GLG1: variants seen among roughly 807,000 people sequenced by gnomAD.
GLG1 encodes golgi glycoprotein 1, also known as Golgi apparatus protein 1.
A neutral mutation model predicts 160.5 loss-of-function variants in GLG1; 38 were observed. That is an observed-to-expected ratio of 0.24 (90% CI 0.18 to 0.31). The LOEUF (loss-of-function observed/expected upper bound fraction) is 0.31. Among genes scored for constraint, GLG1 ranks in the 10% least tolerant of loss-of-function variants. The pLI is 1.00. For missense variants in GLG1, 1,373 were observed against 1,505.2 expected, an observed-to-expected ratio of 0.91 and a Z score of 1.45; for synonymous variants, 644 against 543.4, an observed-to-expected ratio of 1.19 and a Z score of -2.57.
intron 1 of GLG1, chr16:74,552,293 C>T: frequency 1.7e-6 from 1 of 581,108 alleles, no homozygotes; most frequent in Non-Finnish European, 3.3e-6. Flanking sequence ...CTATGAACTC[C>T]TTTTTAAGGA....
intron 4 of GLG1, among the ~76,000 whole-genome samples, chr16:74,498,542 T>C (rs1253955968): frequency 7.1e-6 from 1 of 140,664 alleles, no homozygotes; most frequent in African/African-American, 2.6e-5. Context: ...TATAATAAAA[T>C]ACCTATCTAT....
At chr16:74,531,288 C>T (rs1252048883) in intron 2 of GLG1, among the ~76,000 whole-genome samples, 3 of 152,026 alleles carry the variant, frequency 2.0e-5, no homozygotes, top group Non-Finnish European at 2.9e-5. Flanking sequence ...ATAGATGCCT[C>T]TTCTAAGACC....
chr16:74,523,915 T>A (rs1054415593), intron 2 of GLG1, among the ~76,000 whole-genome samples: 13 of 151,824 alleles, frequency 8.6e-5, no homozygotes, highest in Non-Finnish European at 1.6e-4. Context: ...TAGTGCATTT[T>A]AAAAAAAATA....
chr16:74,464,332 A>G lies in GLG1; in HGVS notation c.2668-853T>C, dbSNP rs544807143. Among the ~76,000 whole-genome samples the G allele has an allele frequency of 3.3e-5, 5 of 152,328 alleles. No homozygotes were observed. The South Asian group carries it at 6.2e-4, about 19-fold the overall frequency. On this transcript the variant is annotated intron_variant, in intron 19 of 25. Coordinates refer to ENST00000422840, the MANE Select transcript of GLG1 (RefSeq NM_001145667.2). The stretch of plus-strand genomic sequence containing the variant: ...TCTCCACTAACCAATGTGAACAAGG[A>G]TGTGGGCTAAGGACCCACTTGGTTC...
At chr16:74,485,121 G>A (rs987558129) in intron 9 of GLG1, among the ~76,000 whole-genome samples, 5 of 152,142 alleles carry the variant, frequency 3.3e-5, no homozygotes, top group Admixed American at 3.3e-4. Flanking sequence ...TGCCCAGGCT[G>A]GTTTCAAACT....
chr16:74,542,745 GGAA>G (rs2017920596), intron 1 of GLG1, among the ~76,000 whole-genome samples: 1 of 12,760 alleles, frequency 7.8e-5, no homozygotes, highest in Non-Finnish European at 3.0e-4. Context: ...GAGGAAGGAA[GGAA>G]GGAAGGAAGG....
chr16:74,588,746 A>G (rs1023369147), intron 1 of GLG1, among the ~76,000 whole-genome samples: 1 of 152,144 alleles, frequency 6.6e-6, no homozygotes, highest in Non-Finnish European at 1.5e-5. Context: ...GACTTGGGCA[A>G]ATAAAAATCT....
chr16:74,574,479 T>A (rs1173385094), intron 1 of GLG1, among the ~76,000 whole-genome samples: 1 of 152,186 alleles, frequency 6.6e-6, no homozygotes, highest in Non-Finnish European at 1.5e-5. Context: ...AGGATGGTGC[T>A]TATCATCTAA....
intron 18 of GLG1, among the ~76,000 whole-genome samples, chr16:74,467,187 G>A (rs2015030899): frequency 6.6e-6 from 1 of 152,224 alleles, no homozygotes; most frequent in African/African-American, 2.4e-5. Flanking sequence ...GATACAAGAG[G>A]ACAATGAAGT....
chr16:74,598,540 A>C (rs1467978641), intron 1 of GLG1, among the ~76,000 whole-genome samples: 1 of 150,922 alleles, frequency 6.6e-6, no homozygotes, highest in Non-Finnish European at 1.5e-5. Context: ...AGAAAAAAGA[A>C]AGAAGAAAAA....
intron 2 of GLG1, among the ~76,000 whole-genome samples, chr16:74,510,718 C>A (rs1002893033): frequency 2.0e-5 from 3 of 152,148 alleles, no homozygotes; most frequent in Non-Finnish European, 4.4e-5. Flanking sequence ...TGAGTACATA[C>A]TGTGTTCCAG....
chr16:74,478,001 T>TAAATAAATAAATAAAA (rs1263424555), intron 11 of GLG1, among the ~76,000 whole-genome samples: 3 of 151,032 alleles, frequency 2.0e-5, no homozygotes, highest in African/African-American at 7.3e-5. Flanking sequence ...AATAAATAAA[T>TAAATAAATAAATAAAA]AAATAAATAA....
rs1385158057 is a variant in GLG1 at position 74,447,621 on chromosome 16, AT to A, written c.*5545del. ...TTTACAAAAGAGGCTTGTTAATTGTATTTTTTTCTTTCTTTCAAAAACAAAA... is the reference window on the plus strand; with the variant it reads ...TTTACAAAAGAGGCTTGTTAATTGTATTTTTTCTTTCTTTCAAAAACAAAA... On this transcript the variant is annotated 3_prime_UTR_variant, in exon 26 of 26. Transcript: ENST00000422840. 2 of 152,218 alleles carry A rather than the reference AT, an allele frequency of 1.3e-5. No individual in the cohort carries two copies. The highest frequency in any genetic ancestry group is 2.9e-5 in the Non-Finnish European group (2 of 68,032). 9.4% of individuals were successfully genotyped at this position (152,218 alleles called of 1,614,324 possible).
chr16:74,490,992 T>C lies in GLG1; in HGVS notation c.1449+9A>G. The C allele has an allele frequency of 1.3e-6, 2 of 1,599,912 alleles. 1 individual carries two copies. ...GACATTCAAAATGGCAATAGCAATGTCTCCTTACCGCCTGCTGGCAGTTCA... is the reference window on the plus strand; with the variant it reads ...GACATTCAAAATGGCAATAGCAATGCCTCCTTACCGCCTGCTGGCAGTTCA... On this transcript the variant is annotated intron_variant, in intron 8 of 25. Coordinates refer to ENST00000422840, the MANE Select transcript of GLG1 (RefSeq NM_001145667.2).
chr16:74,500,336 T>C (rs1199579932), intron 4 of GLG1, among the ~76,000 whole-genome samples: 1 of 152,200 alleles, frequency 6.6e-6, no homozygotes, highest in Non-Finnish European at 1.5e-5. Flanking sequence ...CAATAATTTT[T>C]TGTTAACTTT....
rs1049771385 is a variant in GLG1, at chr16:74,562,759, G to A, written c.439-30606C>T. Among the ~76,000 whole-genome samples the A allele has an allele frequency of 6.6e-5, 10 of 152,228 alleles. 1 individual carries two copies. Among genetic ancestry groups the A allele is most frequent in the Non-Finnish European group, 1.2e-4 (8 of 68,044 alleles). On this transcript the variant is annotated intron_variant, in intron 1 of 25. Coordinates refer to ENST00000422840, the MANE Select transcript of GLG1 (RefSeq NM_001145667.2). ...CAAAGTGTAGAGATTACAGGCATGA[G>A]CTACCGTGCTGGCAGTAAAGGAAGC...
At chr16:74,587,268 G>T (rs115004236) in intron 1 of GLG1, among the ~76,000 whole-genome samples, 3 of 152,124 alleles carry the variant, frequency 2.0e-5, no homozygotes, top group African/African-American at 4.8e-5. Flanking sequence ...GTGGCTTCCC[G>T]GCTGCAACAC....
At chr16:74,606,441 G>A (rs921304754) in intron 1 of GLG1, among the ~76,000 whole-genome samples, 5 of 152,186 alleles carry the variant, frequency 3.3e-5, no homozygotes, top group Admixed American at 3.3e-4. Context: ...CCAGACCCCG[G>A]CAACAGGGAG....
rs754330852 is a variant in GLG1 at position 74,606,936 on chromosome 16, G to A, written c.159C>T (p.Ala53=). Residue 53 remains alanine, a synonymous_variant, in exon 1 of 26, where the codon GCC becomes GCT. Coordinates refer to ENST00000422840, the MANE Select transcript of GLG1 (RefSeq NM_001145667.2). The part of the protein sequence containing the change: ...GANFVSFVGQ[A]GGGGPAGQQL... Reference sequence around the variant, plus strand: ...GCTGACCCGCCGGGCCGCCGCCTCCGGCCTGCCCTACGAAGGACACAAAGT... The same window carrying A: ...GCTGACCCGCCGGGCCGCCGCCTCCAGCCTGCCCTACGAAGGACACAAAGT... 6.2e-7 allele frequency: 1 copy of A among 1,608,482 alleles called. No individual in the cohort carries two copies. The highest frequency in any genetic ancestry group is 1.1e-5 in the South Asian group (1 of 90,672).
Sources: allele counts gnomAD v4.1 joint callset (sites outside exome capture counted in the v4.1 genomes callset), GRCh38; gene constraint gnomAD v4.1.1; transcripts MANE v1.5; gene names NCBI Gene and HGNC (gene_info 2026-07-23, HGNC 2026-07-21).